Variants in DERA observed in about 807,000 individuals in gnomAD.
DERA encodes 2-deoxy-D-ribose 5-phosphate aldolase.
A neutral mutation model predicts 41.1 loss-of-function variants in DERA; 15 were observed. The observed-to-expected ratio is 0.37, with a 90% CI of 0.24 to 0.56. The LOEUF (loss-of-function observed/expected upper bound fraction) is 0.56. DERA is among the 20% of genes least tolerant of loss of function. The pLI, the probability that DERA is intolerant of heterozygous loss-of-function variation, is 0.81. For missense variants in DERA, 396 were observed against 403.4 expected (o/e 0.98, Z 0.16); for synonymous variants, 139 against 137.4 (o/e 1.01, Z -0.08).
At chr12:15,974,754 A>AT (rs1372789831) in intron 5 of DERA, among the ~76,000 whole-genome samples, 1 of 151,926 alleles carries the variant, frequency 6.6e-6, no homozygotes, top group Non-Finnish European at 1.5e-5. Flanking sequence ...TCCATTGATG[A>AT]TTTTTTCAGC....
At chr12:16,030,680 C>T (rs1949086572) in intron 6 of DERA, among the ~76,000 whole-genome samples, 1 of 152,196 alleles carries the variant, frequency 6.6e-6, no homozygotes, top group South Asian at 2.1e-4. Context: ...CTCTCTATCT[C>T]ATTACATTGT....
rs1035923534 is a variant in DERA at position 15,918,746 on chromosome 12, C to T, written c.31+7332C>T. Among the ~76,000 whole-genome samples the T allele has an allele frequency of 5.3e-5, 8 of 152,066 alleles. No homozygotes were observed. Among genetic ancestry groups the T allele is most frequent in the African/African-American group, 1.7e-4 (7 of 41,384 alleles). ...AGATGTTTATGTAAATCACCACATA[C>T]GGCATGTTAAAACTGACAACAGGAA... On this transcript the variant is annotated intron_variant, in intron 1 of 8. Coordinates refer to ENST00000428559, the MANE Select transcript of DERA (RefSeq NM_015954.4). This position sits in a 1 kb window ranked among gnomAD's most constrained non-coding sequence, Gnocchi z 4.3.
At chr12:15,963,580 A>G (rs1948603600) in intron 5 of DERA, among the ~76,000 whole-genome samples, 1 of 152,178 alleles carries the variant, frequency 6.6e-6, no homozygotes, top group African/African-American at 2.4e-5. Context: ...TGTCTTAAAT[A>G]TATTTTGTGT....
Position 15,983,315 on chromosome 12 carries a change from C to T in DERA, c.637+879C>T, listed in dbSNP as rs570280192. Among the ~76,000 whole-genome samples, 2 of 152,270 alleles carry T rather than the reference C, an allele frequency of 1.3e-5. No individual in the cohort carries two copies. The highest frequency in any genetic ancestry group is 4.8e-5 in the African/African-American group (2 of 41,538). On this transcript the variant is annotated intron_variant, in intron 6 of 8. Transcript: ENST00000428559. The surrounding 1 kb of genome is among the most constrained non-coding windows in gnomAD (Gnocchi z 6.2). The stretch of plus-strand genomic sequence containing the variant: ...TTTTAAAAAGGTCCTTCCTAAGACC[C>T]TGGCTGTGCCTCTGCTGTGTCATTT...
Position 15,977,400 on chromosome 12 carries a change from A to G in DERA, c.509-4908A>G, listed in dbSNP as rs75866966. On this transcript the variant is annotated intron_variant, in intron 5 of 8. Coordinates refer to ENST00000428559, the MANE Select transcript of DERA (RefSeq NM_015954.4). ...CATGACTCCTCCTCTCTGTTCTATA[A>G]CTGACCCACAGTAAGATTTGGAGCA... 1.3e-4 allele frequency among the ~76,000 whole-genome samples: 20 copies of G among 152,314 alleles called. No homozygotes were observed. In the East Asian group the frequency reaches 3.7e-3, roughly 28 times the overall value.
intron 6 of DERA, among the ~76,000 whole-genome samples, chr12:15,987,480 G>A (rs182964065): frequency 4.9e-4 from 74 of 151,890 alleles, no homozygotes; most frequent in African/African-American, 1.4e-3. Context: ...CAGGTGATCC[G>A]CCTACCTTGA....
rs1480966736 is a variant in DERA at position 16,037,264 on chromosome 12, A to T, written c.*518A>T. ...ATTGTCATATACAACGATGAATATC[A>T]TTAAAATTTTTAAAATAATAAAGTT... On this transcript the variant is annotated 3_prime_UTR_variant, in exon 9 of 9. Transcript: ENST00000428559. This position sits in a 1 kb window ranked among gnomAD's most constrained non-coding sequence, Gnocchi z 6.7. 6.6e-6 allele frequency: 1 copy of T among 152,220 alleles called. No individual in the cohort carries two copies. Among genetic ancestry groups the T allele is most frequent in the African/African-American group, 2.4e-5 (1 of 41,454 alleles). 9.4% of individuals were successfully genotyped at this position (152,220 alleles called of 1,614,324 possible).
intron 1 of DERA, among the ~76,000 whole-genome samples, chr12:15,925,965 C>G (rs574799557): frequency 1.3e-5 from 2 of 151,104 alleles, no homozygotes; most frequent in East Asian, 3.9e-4. Context: ...GGATTAGAGG[C>G]GCCCACCATC....
At position 15,915,714 on chromosome 12, in the gene DERA, G is replaced by C. The variant is rs918100315; in HGVS notation, c.31+4300G>C. Among the ~76,000 whole-genome samples the C allele has an allele frequency of 2.6e-5, 4 of 152,180 alleles. No homozygotes were observed. The highest frequency in any genetic ancestry group is 7.2e-5 in the African/African-American group (3 of 41,426). On this transcript the variant is annotated intron_variant, in intron 1 of 8. Transcript: ENST00000428559. This position sits in a 1 kb window ranked among gnomAD's most constrained non-coding sequence, Gnocchi z 4.8. ...TGCTTAGGTGCTGGGTATAATGATA[G>C]TGTCAACACAGAGCTCTAGCTACTT...
chr12:15,950,057 C>G (rs747825813), intron 1 of DERA, among the ~76,000 whole-genome samples: 12 of 152,148 alleles, frequency 7.9e-5, no homozygotes, highest in Non-Finnish European at 1.3e-4. Context: ...TTCACTCTTG[C>G]CTTCTCCTCT....
intron 1 of DERA, among the ~76,000 whole-genome samples, chr12:15,914,010 G>T (rs934884987): frequency 6.6e-5 from 10 of 152,174 alleles, no homozygotes; most frequent in Non-Finnish European, 1.2e-4. Flanking sequence ...CAGGTGTCAC[G>T]TGGGTAGTGA....
intron 6 of DERA, among the ~76,000 whole-genome samples, chr12:16,028,480 C>T (rs1949068166): frequency 6.6e-6 from 1 of 152,118 alleles, no homozygotes; most frequent in South Asian, 2.1e-4. Context: ...AATTATGTAG[C>T]CAAGCCCCTG....
At chr12:15,978,239 A>G (rs1948711641) in intron 5 of DERA, among the ~76,000 whole-genome samples, 1 of 152,212 alleles carries the variant, frequency 6.6e-6, no homozygotes, top group South Asian at 2.1e-4. Context: ...CGACCTAAAC[A>G]CTAATAATGC....
chr12:16,011,124 A>T lies in DERA; in HGVS notation c.638-21418A>T, dbSNP rs1483975316. ...CTCTCAAGTTAATAGATTCCACACA[A>T]GCATACCTGACTTTTAATGTTAATA... On this transcript the variant is annotated intron_variant, in intron 6 of 8. Coordinates refer to ENST00000428559, the MANE Select transcript of DERA (RefSeq NM_015954.4). This position sits in a 1 kb window ranked among gnomAD's most constrained non-coding sequence, Gnocchi z 4.7. Among the ~76,000 whole-genome samples, 1 of 152,180 alleles carries T rather than the reference A, an allele frequency of 6.6e-6. No homozygotes were observed. The highest frequency in any genetic ancestry group is 1.9e-4 in the East Asian group (1 of 5,198).
intron 1 of DERA, among the ~76,000 whole-genome samples, chr12:15,939,609 G>T (rs948274876): frequency 6.6e-6 from 1 of 151,450 alleles, no homozygotes; most frequent in African/African-American, 2.4e-5. Flanking sequence ...AGAGGCTTTG[G>T]TGTTTTATTT....
At chr12:16,022,782 G>C (rs1226753763) in intron 6 of DERA, among the ~76,000 whole-genome samples, 2 of 152,296 alleles carry the variant, frequency 1.3e-5, no homozygotes, top group Middle Eastern at 6.8e-3. Flanking sequence ...CCAAAACCTA[G>C]TAGGAACACT....
chr12:15,934,237 A>G (rs1948349477), intron 1 of DERA, among the ~76,000 whole-genome samples: 1 of 152,112 alleles, frequency 6.6e-6, no homozygotes, highest in South Asian at 2.1e-4. Context: ...GCTACCCAGT[A>G]CTTGGCCTCA....
At chr12:15,925,163 G>A (rs138463790) in intron 1 of DERA, among the ~76,000 whole-genome samples, 2 of 151,072 alleles carry the variant, frequency 1.3e-5, no homozygotes, top group African/African-American at 4.9e-5. Context: ...CCCCTTTGCT[G>A]TTGTCAGGCT....
chr12:16,002,605 G>A (rs1168519395), intron 6 of DERA, among the ~76,000 whole-genome samples: 1 of 151,974 alleles, frequency 6.6e-6, no homozygotes, highest in Non-Finnish European at 1.5e-5. Context: ...TGTATGTGTG[G>A]TAAGAACCAC....
Sources: gnomAD v4.1 joint callset for allele counts (sites outside exome capture counted in the v4.1 genomes callset) on GRCh38, gnomAD v4.1.1 for gene constraint, Gnocchi (gnomAD v3.1) non-coding constraint, MANE v1.5 for transcripts, NCBI Gene and HGNC (gene_info 2026-07-23, HGNC 2026-07-21) for gene names.